SHROOM3: variants seen among roughly 807,000 people sequenced by gnomAD.
The protein encoded by SHROOM3 is protein Shroom3.
Under a neutral mutation model 138.6 loss-of-function variants are expected in SHROOM3, and 47 were observed. The observed-to-expected ratio is 0.34, with a 90% CI of 0.27 to 0.43. SHROOM3 has a LOEUF of 0.43. SHROOM3 is among the 20% of genes least tolerant of loss of function. The pLI, the probability that SHROOM3 is intolerant of heterozygous loss-of-function variation, is 1.00. For missense variants in SHROOM3, 2,491 were observed against 2,596.5 expected (o/e 0.96, Z 0.88); for synonymous variants, 1,062 against 1,063.3 (o/e 1.00, Z 0.02).
intron 2 of SHROOM3, among the ~76,000 whole-genome samples, chr4:76,613,771 TA>T (rs1734812997): frequency 6.6e-6 from 1 of 152,178 alleles, no homozygotes; most frequent in Non-Finnish European, 1.5e-5. Context: ...TACAGCTTTT[TA>T]TTGGCCATGC....
intron 2 of SHROOM3, among the ~76,000 whole-genome samples, chr4:76,577,663 G>A (rs530016149): frequency 3.8e-4 from 58 of 152,236 alleles, no homozygotes; most frequent in African/African-American, 1.3e-3. Context: ...CTTATTATGC[G>A]TAACACAGGT....
At chr4:76,757,842 C>A (rs1389109396) in intron 8 of SHROOM3, among the ~76,000 whole-genome samples, 1 of 152,186 alleles carries the variant, frequency 6.6e-6, no homozygotes, top group Non-Finnish European at 1.5e-5. Context: ...CTTTCATTTT[C>A]TCTTAAATTT....
At chr4:76,729,262 C>T (rs908539620) in intron 3 of SHROOM3, among the ~76,000 whole-genome samples, 9 of 152,234 alleles carry the variant, frequency 5.9e-5, no homozygotes, top group Admixed American at 5.2e-4. Context: ...TTTTTCTTAT[C>T]TCAGAGCTGG....
intron 1 of SHROOM3, among the ~76,000 whole-genome samples, chr4:76,518,914 A>C (rs145829371): frequency 1.3e-4 from 20 of 152,318 alleles, no homozygotes; most frequent in African/African-American, 4.8e-4. Context: ...CCTAGAGATC[A>C]CTGGAAGTGG....
intron 1 of SHROOM3, among the ~76,000 whole-genome samples, chr4:76,449,714 A>T (rs1298890907): frequency 2.6e-5 from 4 of 152,224 alleles, no homozygotes; most frequent in Non-Finnish European, 5.9e-5. Flanking sequence ...TAGAATAATG[A>T]ATAGATTTTG....
At position 76,623,715 on chromosome 4, in the gene SHROOM3, C is replaced by T. The variant is rs144041534; in HGVS notation, c.323+67952C>T. ...ACTATTTTCTTTCAAGATTATTATG[C>T]CTCTAAATCTTTTTCTGTCTCTTTC... is the stretch of plus-strand genomic sequence containing the variant. On this transcript the variant is annotated intron_variant, in intron 2 of 10. Coordinates refer to ENST00000296043, the MANE Select transcript of SHROOM3 (RefSeq NM_020859.4). 2.9e-3 allele frequency among the ~76,000 whole-genome samples: 441 copies of T among 152,250 alleles called. 2 individuals are homozygous for T. The highest frequency in any genetic ancestry group is 0.01 in the African/African-American group (432 of 41,532).
chr4:76,695,120 A>G (rs1719687166), intron 2 of SHROOM3, among the ~76,000 whole-genome samples: 1 of 152,110 alleles, frequency 6.6e-6, no homozygotes, highest in African/African-American at 2.4e-5. Flanking sequence ...CTCCTTGAAT[A>G]TGTTCTTAAA....
At chr4:76,637,989 C>T (rs1173820247) in intron 2 of SHROOM3, among the ~76,000 whole-genome samples, 1 of 152,150 alleles carries the variant, frequency 6.6e-6, no homozygotes, top group East Asian at 1.9e-4. Flanking sequence ...GTCAACACCA[C>T]CCAACACAAA....
At chr4:76,593,190 A>G (rs1734309781) in intron 2 of SHROOM3, among the ~76,000 whole-genome samples, 1 of 152,262 alleles carries the variant, frequency 6.6e-6, no homozygotes, top group Non-Finnish European at 1.5e-5. Context: ...GAGATGCTGA[A>G]TGAATGAAAA....
At chr4:76,619,549 A>C (rs1734951995) in intron 2 of SHROOM3, among the ~76,000 whole-genome samples, 1 of 152,212 alleles carries the variant, frequency 6.6e-6, no homozygotes, top group South Asian at 2.1e-4. Context: ...TTTTCATAGA[A>C]GTGTGAAAGC....
chr4:76,480,902 A>G (rs2109987620), intron 1 of SHROOM3, among the ~76,000 whole-genome samples: 1 of 152,314 alleles, frequency 6.6e-6, no homozygotes, highest in South Asian at 2.1e-4. Flanking sequence ...ATACGAAATT[A>G]AGGTAGAAAT....
intron 2 of SHROOM3, among the ~76,000 whole-genome samples, chr4:76,697,883 A>G (rs74591661): frequency 1.3e-5 from 2 of 152,198 alleles, no homozygotes; most frequent in African/African-American, 4.8e-5. Context: ...GAGCAGGAAC[A>G]TACAGGATGA....
chr4:76,468,614 A>C (rs1731296709), intron 1 of SHROOM3, among the ~76,000 whole-genome samples: 1 of 151,374 alleles, frequency 6.6e-6, no homozygotes, highest in Admixed American at 6.6e-5. Flanking sequence ...ATATATATAC[A>C]TATATCTAAA....
chr4:76,548,574 A>C (rs1335206761), intron 1 of SHROOM3, among the ~76,000 whole-genome samples: 1 of 152,132 alleles, frequency 6.6e-6, no homozygotes, highest in Non-Finnish European at 1.5e-5. Flanking sequence ...AGTGTATATC[A>C]CCGTGCTGTT....
intron 2 of SHROOM3, among the ~76,000 whole-genome samples, chr4:76,565,236 A>C (rs984623080): frequency 1.3e-5 from 2 of 151,714 alleles, no homozygotes; most frequent in East Asian, 1.9e-4. Context: ...CTGAGTTCTG[A>C]GATCAAATAA....
intron 1 of SHROOM3, among the ~76,000 whole-genome samples, chr4:76,531,174 C>T (rs1732821622): frequency 6.6e-6 from 1 of 152,024 alleles, no homozygotes; most frequent in Admixed American, 6.6e-5. Context: ...AAGCACTGAA[C>T]ATTGAAAATA....
At chr4:76,561,925 C>T (rs937524714) in intron 2 of SHROOM3, among the ~76,000 whole-genome samples, 12 of 152,050 alleles carry the variant, frequency 7.9e-5, no homozygotes, top group Admixed American at 2.0e-4. Context: ...GCAGAAGAAT[C>T]GCTTGAACCT....
intron 1 of SHROOM3, among the ~76,000 whole-genome samples, chr4:76,506,133 C>T (rs1270048789): frequency 1.3e-5 from 2 of 151,682 alleles, no homozygotes; most frequent in Non-Finnish European, 2.9e-5. Flanking sequence ...AACAGAAAAC[C>T]AAACACTGCA....
intron 2 of SHROOM3, among the ~76,000 whole-genome samples, chr4:76,668,574 A>AAAAC (rs71212439): frequency 2.5e-3 from 380 of 152,182 alleles, no homozygotes; most frequent in African/African-American, 7.4e-3. Flanking sequence ...ACTCCGCCTC[A>AAAAC]AAACAAACAA....
Sources: allele counts gnomAD v4.1 joint callset (sites outside exome capture counted in the v4.1 genomes callset), GRCh38; gene constraint gnomAD v4.1.1; transcripts MANE v1.5; gene names NCBI Gene and HGNC (gene_info 2026-07-23, HGNC 2026-07-21).